The following DPYD variants were observed in gnomAD, a reference collection of about 807,000 sequenced individuals.
DPYD encodes the protein dihydropyrimidine dehydrogenase [NADP(+)].
DPYD carries 109 observed loss-of-function variants against 116.2 expected under a neutral mutation model. The ratio of observed to expected loss-of-function variants is 0.94; its 90% confidence interval spans 0.80 to 1.10. DPYD has a LOEUF of 1.10. Among genes scored for constraint, DPYD ranks in the 50% least tolerant of loss-of-function variants. The pLI is 0.00. For missense variants in DPYD, 1,302 were observed against 1,254.5 expected, an observed-to-expected ratio of 1.04 and a Z score of -0.57; for synonymous variants, 440 against 432.0, an observed-to-expected ratio of 1.02 and a Z score of -0.23.
intron 3 of DPYD, among the ~76,000 whole-genome samples, chr1:97,805,191 G>C (rs1344300486): frequency 6.6e-6 from 1 of 151,712 alleles, no homozygotes; most frequent in Non-Finnish European, 1.5e-5. Flanking sequence ...AGTTTTTGAA[G>C]AACAATCAAA....
intron 3 of DPYD, among the ~76,000 whole-genome samples, chr1:97,789,173 T>C (rs1667192906): frequency 6.6e-6 from 1 of 152,164 alleles, no homozygotes; most frequent in Non-Finnish European, 1.5e-5. Context: ...CATTCAATAA[T>C]AAATTCATAG....
At chr1:97,702,715 G>C (rs559057369) in intron 5 of DPYD, among the ~76,000 whole-genome samples, 29 of 151,938 alleles carry the variant, frequency 1.9e-4, no homozygotes, top group African/African-American at 7.0e-4. Context: ...GAAACGCCTA[G>C]CATATCTGAA....
chr1:97,417,711 C>T (rs1412483624), intron 14 of DPYD, among the ~76,000 whole-genome samples: 1 of 152,076 alleles, frequency 6.6e-6, no homozygotes, highest in Non-Finnish European at 1.5e-5. Flanking sequence ...TTAAAAACTA[C>T]CTAGAACATT....
chr1:97,185,677 G>A (rs942175261), intron 20 of DPYD, among the ~76,000 whole-genome samples: 6 of 152,144 alleles, frequency 3.9e-5, no homozygotes, highest in Admixed American at 2.0e-4. Flanking sequence ...AAAAATCTCT[G>A]TAATATTATA....
chr1:97,237,548 A>G (rs1385162706), intron 18 of DPYD, among the ~76,000 whole-genome samples: 1 of 152,206 alleles, frequency 6.6e-6, no homozygotes, highest in African/African-American at 2.4e-5. Flanking sequence ...TATATTATTT[A>G]TCAGTGATTC....
intron 5 of DPYD, among the ~76,000 whole-genome samples, chr1:97,709,798 T>C (rs1381883909): frequency 6.6e-6 from 1 of 151,888 alleles, no homozygotes; most frequent in African/African-American, 2.4e-5. Context: ...AGGGTAACTC[T>C]TGCTTGTTTT....
intron 8 of DPYD, among the ~76,000 whole-genome samples, chr1:97,613,373 T>C (rs1325416536): frequency 6.6e-6 from 1 of 152,016 alleles, no homozygotes; most frequent in Non-Finnish European, 1.5e-5. Flanking sequence ...CATAACTCTC[T>C]GAAAATGATG....
chr1:97,512,644 T>C (rs1256527273), intron 13 of DPYD, among the ~76,000 whole-genome samples: 1 of 151,908 alleles, frequency 6.6e-6, no homozygotes, highest in African/African-American at 2.4e-5. Context: ...GTCAAGGGGT[T>C]ATTTTATGTG....
chr1:97,868,980 A>T (rs1671530436), intron 2 of DPYD, among the ~76,000 whole-genome samples: 1 of 151,798 alleles, frequency 6.6e-6, no homozygotes. Context: ...ACACAAAGCC[A>T]TGAGAAACCT....
chr1:97,264,024 T>C (rs2100860879), intron 18 of DPYD, among the ~76,000 whole-genome samples: 1 of 152,144 alleles, frequency 6.6e-6, no homozygotes, highest in South Asian at 2.1e-4. Context: ...TCTAAAATAA[T>C]GACTAAAGAT....
intron 13 of DPYD, among the ~76,000 whole-genome samples, chr1:97,480,436 T>C (rs1678233362): frequency 6.6e-6 from 1 of 152,136 alleles, no homozygotes; most frequent in South Asian, 2.1e-4. Context: ...CTAATGATAG[T>C]TATGTATAAC....
At chr1:97,494,227 CTTGCTG>C (rs1349994953) in intron 13 of DPYD, among the ~76,000 whole-genome samples, 1 of 152,112 alleles carries the variant, frequency 6.6e-6, no homozygotes, top group Non-Finnish European at 1.5e-5. Context: ...AAGATAAGGT[CTTGCTG>C]TTGCCCAGGT....
At chr1:97,526,016 T>TGTGTGTG (rs1649060888) in intron 12 of DPYD, among the ~76,000 whole-genome samples, 51 of 150,010 alleles carry the variant, frequency 3.4e-4, no homozygotes, top group Middle Eastern at 3.4e-3. Flanking sequence ...TGTGTGTGTG[T>TGTGTGTG]TTCTATAATT....
intron 1 of DPYD, among the ~76,000 whole-genome samples, chr1:97,901,218 A>G (rs952823262): frequency 2.0e-5 from 3 of 151,786 alleles, no homozygotes; most frequent in South Asian, 4.1e-4. Flanking sequence ...TTTTGGCTTC[A>G]GATTATGGAC....
intron 3 of DPYD, among the ~76,000 whole-genome samples, chr1:97,825,868 A>G (rs1669213171): frequency 6.6e-6 from 1 of 152,214 alleles, no homozygotes; most frequent in African/African-American, 2.4e-5. Context: ...ATTCTGGGCC[A>G]GGGAAAAGAC....
At chr1:97,481,487 T>C (rs1188476578) in intron 13 of DPYD, among the ~76,000 whole-genome samples, 1 of 152,110 alleles carries the variant, frequency 6.6e-6, no homozygotes, top group African/African-American at 2.4e-5. Context: ...AAACAAAATA[T>C]GAACATTTCA....
chr1:97,427,909 C>T (rs1213660062), intron 14 of DPYD, among the ~76,000 whole-genome samples: 1 of 151,972 alleles, frequency 6.6e-6, no homozygotes, highest in African/African-American at 2.4e-5. Flanking sequence ...ATGTATTCAC[C>T]TCTGGAATGA....
intron 20 of DPYD, among the ~76,000 whole-genome samples, chr1:97,141,740 T>C (rs1654241587): frequency 6.6e-6 from 1 of 152,266 alleles, no homozygotes; most frequent in South Asian, 2.1e-4. Flanking sequence ...ATCCCAAGTG[T>C]CTAGAACAGT....
intron 7 of DPYD, among the ~76,000 whole-genome samples, chr1:97,683,613 T>A (rs905459686): frequency 7.2e-5 from 11 of 152,032 alleles, no homozygotes; most frequent in Admixed American, 2.0e-4. Context: ...AAAATATGTA[T>A]TTCTATTTAA....
Sources: gnomAD v4.1 joint callset for allele counts (sites outside exome capture counted in the v4.1 genomes callset) on GRCh38, gnomAD v4.1.1 for gene constraint, MANE v1.5 for transcripts, NCBI Gene and HGNC (gene_info 2026-07-23, HGNC 2026-07-21) for gene names.